Variants in AHNAK observed in about 807,000 individuals in gnomAD.
AHNAK encodes neuroblast differentiation-associated protein AHNAK.
Under a neutral mutation model 37.8 loss-of-function variants are expected in AHNAK, and 23 were observed. The ratio of observed to expected loss-of-function variants is 0.61; its 90% CI spans 0.44 to 0.86. AHNAK has a LOEUF of 0.86. Ranked by LOEUF, AHNAK falls within the 40% of genes least tolerant of loss-of-function variation. The pLI is 0.00. For synonymous variants in AHNAK, 2,481 were observed against 2,636.3 expected (o/e 0.94, Z 1.80); for missense variants, 7,411 against 7,319.4 (o/e 1.01, Z -0.46).
In AHNAK at chr11:62,534,929, G is replaced by A. The variant is rs1008203474; in HGVS notation, c.342+74C>T. On this transcript the variant is annotated intron_variant, in intron 4 of 4. Transcript: ENST00000378024. ...AGAGAGGGTCCGGAGGCACATGGAA[G>A]GCTCAGGAGTGGGGTCAGCAGGCCG... 7.3e-6 allele frequency: 11 copies of A among 1,502,958 alleles called. No individual in the cohort carries two copies. In the African/African-American group the frequency reaches 1.5e-4, roughly 21 times the overall value. The allele number at this position is 1,502,958 out of a possible 1,614,324, so 93.1% of individuals were successfully genotyped here.
chr11:62,450,646 G>T (rs1027731016), intron 5 of AHNAK, among the ~76,000 whole-genome samples: 2 of 152,152 alleles, frequency 1.3e-5, no homozygotes, highest in Non-Finnish European at 1.5e-5. Flanking sequence ...GCCATGCACC[G>T]TCAGACCTCC....
At chr11:62,473,922 G>A (rs1939091709) in intron 5 of AHNAK, among the ~76,000 whole-genome samples, 1 of 150,640 alleles carries the variant, frequency 6.6e-6, no homozygotes, top group Non-Finnish European at 1.5e-5. Flanking sequence ...ATCACTGGAG[G>A]CTTGGAGGTT....
In AHNAK at chr11:62,518,704, A is replaced by G. The variant is rs778403343; in HGVS notation, c.15713T>C (p.Met5238Thr). The G allele has an allele frequency of 1.2e-6, 2 of 1,614,174 alleles. No homozygotes were observed. The highest frequency in any genetic ancestry group is 1.7e-6 in the Non-Finnish European group (2 of 1,180,020). Residue 5238 changes from methionine (M) to threonine (T), a missense_variant, in exon 5 of 5, where the codon ATG (methionine) becomes ACG (threonine). Transcript: ENST00000378024. ...CACACCTGGGATGCCGATCTTGGGC[A>G]TGGAAAACTTGGGGAACTTAATTTT... Reference protein sequence around the residue: ...EAKIKFPKFSMPKIGIPGVKM... With the variant: ...EAKIKFPKFSTPKIGIPGVKM...
chr11:62,479,514 C>T (rs920545163), intron 5 of AHNAK, among the ~76,000 whole-genome samples: 1 of 151,370 alleles, frequency 6.6e-6, no homozygotes, highest in African/African-American at 2.4e-5. Context: ...TTGGGGTCTG[C>T]GAAGTGCTAA....
Position 62,517,275 on chromosome 11 carries a change from C to T in AHNAK, c.17142G>A (p.Met5714Ile), listed in dbSNP as rs769993431. 1.2e-6 allele frequency: 2 copies of T among 1,614,092 alleles called. No homozygotes were observed. Among genetic ancestry groups the T allele is most frequent in the South Asian group, 2.2e-5 (2 of 91,076 alleles). The stretch of plus-strand genomic sequence containing the variant: ...TAGGTTTGGAAAAATTAAACTTGGG[C>T]ATTTTGATCTTGGACTTTTTCAGTT... ...EVKLKKSKIK[M>I]PKFNFSKPKG... Residue 5714 changes from methionine to isoleucine, a missense_variant, in exon 5 of 5, where the codon ATG becomes ATA. Coordinates refer to ENST00000378024, the MANE Select transcript of AHNAK (RefSeq NM_001620.3).
Position 62,522,079 on chromosome 11 carries a change from T to G in AHNAK, c.12338A>C (p.Lys4113Thr), listed in dbSNP as rs1441494187. ...GTCAGGCATTTTAAATTTGGGGCCC[T>G]TCAGTTTCCCTTCTGGACCATGAAT... is the stretch of plus-strand genomic sequence containing the variant. The part of the protein sequence containing the change: ...IDIHGPEGKL[K>T]GPKFKMPDLH... The change falls in exon 5 of 5, where the codon AAG (lysine) becomes ACG (threonine). Residue 4113 changes from lysine to threonine, a missense_variant. By Grantham distance (78) the Lys-to-Thr change is moderately conservative (BLOSUM62 -1). Coordinates refer to ENST00000378024, the MANE Select transcript of AHNAK (RefSeq NM_001620.3). 3.1e-6 allele frequency: 5 copies of G among 1,613,838 alleles called. No individual in the cohort carries two copies. The South Asian group carries it at 5.5e-5, about 18-fold the overall frequency.
At chr11:62,460,942 T>TCC (rs1295329663) in intron 5 of AHNAK, among the ~76,000 whole-genome samples, 2 of 149,872 alleles carry the variant, frequency 1.3e-5, no homozygotes, top group Non-Finnish European at 3.0e-5. Context: ...TGCCTCAGCC[T>TCC]CCCGAGTAGC....
Position 62,521,681 on chromosome 11 carries a change from T to G in AHNAK, c.12736A>C (p.Lys4246Gln), listed in dbSNP as rs1940249495. The change falls in exon 5 of 5, where the codon AAG becomes CAG. Residue 4246 changes from lysine (K) to glutamine (Q), a missense_variant. Coordinates refer to ENST00000378024, the MANE Select transcript of AHNAK (RefSeq NM_001620.3). ...PDAKLKGPKF[K>Q]MPEMNIKAPK... Reference sequence around the variant, plus strand: ...GCTTTGATGTTCATCTCAGGCATCTTGAATTTAGGGCCCTTTAGTTTCGCA... The same window carrying G: ...GCTTTGATGTTCATCTCAGGCATCTGGAATTTAGGGCCCTTTAGTTTCGCA... 6.2e-7 allele frequency: 1 copy of G among 1,613,948 alleles called. No homozygotes were observed. Among genetic ancestry groups the G allele is most frequent in the African/African-American group, 1.3e-5 (1 of 74,872 alleles).
rs1348413100 is a variant in AHNAK at position 62,528,428 on chromosome 11, G to T, written c.5989C>A (p.His1997Asn). 34 of 1,613,260 alleles carry T rather than the reference G, an allele frequency of 2.1e-5. No homozygotes were observed. Among genetic ancestry groups the T allele is most frequent in the Non-Finnish European group, 2.6e-5 (31 of 1,179,926 alleles). Residue 1997 changes from histidine to asparagine, a missense_variant, in exon 5 of 5, where the codon CAC becomes AAC. Coordinates refer to ENST00000378024, the MANE Select transcript of AHNAK (RefSeq NM_001620.3). ...CCTTTGACTTTGGGGCCTTTCAGGT[G>T]TAAGTCCACATCAGGCATGGAGATC... ...PKISMPDVDL[H>N]LKGPKVKGDM... is the part of the protein sequence containing the mutation.
intron 5 of AHNAK, among the ~76,000 whole-genome samples, chr11:62,464,626 C>T (rs1361805089): frequency 6.6e-6 from 1 of 151,768 alleles, no homozygotes; most frequent in Admixed American, 6.6e-5. Context: ...TGAGATCGTG[C>T]CACTGTACTC....
chr11:62,491,781 C>T, exon 5 of AHNAK: 1 of 1,613,106 alleles, frequency 6.2e-7, no homozygotes, highest in East Asian at 2.2e-5. Context: ...TGCTGGCTTC[C>T]TTCTGTTTGT....
intron 5 of AHNAK, among the ~76,000 whole-genome samples, chr11:62,462,382 C>T (rs1938811756): frequency 6.6e-6 from 1 of 152,186 alleles, no homozygotes; most frequent in South Asian, 2.1e-4. Flanking sequence ...AGCTACAGAA[C>T]TGGAAACTAC....
intron 1 of AHNAK, among the ~76,000 whole-genome samples, chr11:62,543,972 CTCTG>C (rs1000034819): frequency 2.6e-5 from 4 of 152,280 alleles, no homozygotes; most frequent in Non-Finnish European, 5.9e-5. Context: ...CGGTCTGTCT[CTCTG>C]TCTGTCTCCA....
At position 62,533,049 on chromosome 11, in the gene AHNAK, A is replaced by G. The variant is rs1565246311; in HGVS notation, c.1368T>C (p.Pro456=). The G allele has an allele frequency of 6.2e-7, 1 of 1,612,132 alleles. No individual in the cohort carries two copies. The highest frequency in any genetic ancestry group is 8.5e-7 in the Non-Finnish European group (1 of 1,179,406). Reference sequence around the variant, plus strand: ...CCCCAGGAACAGTCACTTCACCTGTAGGCAGTGTCACATCAATCCCAGTTT... The same window carrying G: ...CCCCAGGAACAGTCACTTCACCTGTGGGCAGTGTCACATCAATCCCAGTTT... The part of the protein sequence containing the change: ...GEETGIDVTL[P]TGEVTVPGVS... Residue 456 remains proline (P), a synonymous_variant, in exon 5 of 5, where the codon CCT becomes CCC. Coordinates refer to ENST00000378024, the MANE Select transcript of AHNAK (RefSeq NM_001620.3).
intron 5 of AHNAK, among the ~76,000 whole-genome samples, chr11:62,461,547 GCC>G (rs549763253): frequency 9.3e-4 from 142 of 152,268 alleles, no homozygotes; most frequent in Non-Finnish European, 1.7e-3. Context: ...GAAGGGCCAA[GCC>G]TAAGGATTTT....
chr11:62,464,810 G>A (rs778220036), intron 5 of AHNAK, among the ~76,000 whole-genome samples: 10 of 152,020 alleles, frequency 6.6e-5, no homozygotes, highest in African/African-American at 2.2e-4. Flanking sequence ...CAGCCTGGGC[G>A]ACAGAGGGAG....
chr11:62,541,120 G>A (rs1001042001), intron 1 of AHNAK, among the ~76,000 whole-genome samples: 1 of 152,204 alleles, frequency 6.6e-6, no homozygotes, highest in Non-Finnish European at 1.5e-5. Context: ...TGCAGCCAGC[G>A]TCAGTGTGGA....
rs756111429 is a variant in AHNAK, at chr11:62,533,206, A to G, written c.1211T>C (p.Ile404Thr). The part of the protein sequence containing the change: ...HIGVDASAPQ[I>T]GGSITGPSVE... ...ACTGGGGCCAGTGATGCTACCCCCA[A>G]TTTGGGGAGCAGAGGCATCCACCCC... is the stretch of plus-strand genomic sequence containing the variant. Residue 404 changes from isoleucine to threonine, a missense_variant, in exon 5 of 5, where the codon ATT (isoleucine) becomes ACT (threonine). Physicochemically the swap from Ile to Thr is moderately conservative, Grantham distance 89 (BLOSUM62 -1). Coordinates refer to ENST00000378024, the MANE Select transcript of AHNAK (RefSeq NM_001620.3). The G allele has an allele frequency of 3.4e-5, 52 of 1,526,976 alleles. No homozygotes were observed. Among genetic ancestry groups the G allele is most frequent in the Non-Finnish European group, 4.3e-5 (49 of 1,142,106 alleles). 94.6% of individuals were successfully genotyped at this position (1,526,976 alleles called of 1,614,324 possible). A position where few individuals can be genotyped will look rare whatever the true frequency, so the allele number is the denominator to read the frequency against.
intron 2 of AHNAK, 140 bp from the exon 3 acceptor site, chr11:62,536,238 C>T (rs1940943703): frequency 1.2e-6 from 1 of 868,822 alleles, no homozygotes. Flanking sequence ...AGCTGGCTCA[C>T]CTGCCAGGTG....
Sources: gnomAD v4.1 joint callset for allele counts (sites outside exome capture counted in the v4.1 genomes callset) on GRCh38, gnomAD v4.1.1 for gene constraint, MANE v1.5 for transcripts, NCBI Gene and HGNC (gene_info 2026-07-23, HGNC 2026-07-21) for gene names.